ZNF660: variants seen among roughly 807,000 people sequenced by gnomAD.
ZNF660 encodes zinc finger protein 660.
ZNF660 carries 24 observed loss-of-function variants against 23.2 expected under a neutral mutation model. That is an observed-to-expected ratio of 1.04 (90% CI 0.75 to 1.46). The LOEUF (loss-of-function observed/expected upper bound fraction) is 1.46. Ranked by LOEUF, ZNF660 falls within the 40% of genes most tolerant of loss-of-function variation. ZNF660 has a pLI of 0.00. For missense variants in ZNF660, 373 were observed against 396.8 expected (o/e 0.94, Z 0.51); for synonymous variants, 117 against 131.4 (o/e 0.89, Z 0.75).
At position 44,594,087 on chromosome 3, in the gene ZNF660, C is replaced by G. The variant is rs1203845170; in HGVS notation, c.-107C>G. 2.2e-6 allele frequency: 3 copies of G among 1,361,074 alleles called. No individual in the cohort carries two copies. The East Asian group carries it at 7.1e-5, about 32-fold the overall frequency. 84.3% of individuals were successfully genotyped at this position (1,361,074 alleles called of 1,614,324 possible). ...GAAAAATCAGAATCATACATACTTT[C>G]AAGAGAATTCCACAGAGACATTGCC... On this transcript the variant is annotated 5_prime_UTR_variant, in exon 3 of 3. Transcript: ENST00000322734.
chr3:44,592,644 A>G (rs183073195), intron 2 of ZNF660, among the ~76,000 whole-genome samples: 4 of 152,312 alleles, frequency 2.6e-5, no homozygotes, highest in Non-Finnish European at 4.4e-5. Context: ...TTCATCTGCC[A>G]TGCTTTAACT....
intron 2 of ZNF660, among the ~76,000 whole-genome samples, chr3:44,591,887 C>G (rs1279619801): frequency 6.6e-6 from 1 of 152,162 alleles, no homozygotes; most frequent in Non-Finnish European, 1.5e-5. Context: ...ATCCCAGCTA[C>G]TCAGGAGGGT....
rs550550463 is a variant in ZNF660, at chr3:44,591,869, C to T, written c.-180-2145C>T. Among the ~76,000 whole-genome samples, 823 of 152,260 alleles carry T rather than the reference C, an allele frequency of 5.4e-3. 4 individuals carry two copies. Among genetic ancestry groups the T allele is most frequent in the Non-Finnish European group, 6.4e-3 (432 of 68,008 alleles). On this transcript the variant is annotated intron_variant, in intron 2 of 2. Coordinates refer to ENST00000322734, the MANE Select transcript of ZNF660 (RefSeq NM_173658.4). Reference sequence around the variant, plus strand: ...AAAACTAGCCAGGCGTGGTGGCAGACGCCTGTAATCCCAGCTACTCAGGAG... The same window carrying T: ...AAAACTAGCCAGGCGTGGTGGCAGATGCCTGTAATCCCAGCTACTCAGGAG...
intron 2 of ZNF660, among the ~76,000 whole-genome samples, chr3:44,590,587 A>C (rs1281237415): frequency 6.6e-6 from 1 of 152,206 alleles, no homozygotes; most frequent in African/African-American, 2.4e-5. Flanking sequence ...GGGGACACAA[A>C]CATTCAGTCC....
rs1022223200 is a variant in ZNF660, at chr3:44,599,589, G to A, written c.*4400G>A. 7 of 151,936 alleles carry A rather than the reference G, an allele frequency of 4.6e-5. No homozygotes were observed. Among genetic ancestry groups the A allele is most frequent in the Non-Finnish European group, 8.8e-5 (6 of 68,006 alleles). 9.4% of individuals were successfully genotyped at this position (151,936 alleles called of 1,614,324 possible). The stretch of plus-strand genomic sequence containing the variant: ...CCCATATTGTCAGTTGTTTTTAGTC[G>A]CCAGACTGTCTTTAATAGCCTCTGA... On this transcript the variant is annotated 3_prime_UTR_variant, in exon 3 of 3. Coordinates refer to ENST00000322734, the MANE Select transcript of ZNF660 (RefSeq NM_173658.4).
rs1480829120 is a variant in ZNF660 at position 44,594,222 on chromosome 3, A to G, written c.29A>G (p.His10Arg). The change falls in exon 3 of 3, where the codon CAT (histidine) becomes CGT (arginine). Residue 10 changes from histidine to arginine, a missense_variant. His to Arg is a conservative substitution (Grantham distance 29). Transcript: ENST00000322734. Reference protein sequence around the residue: MRRKTRNFKHKTVKDNKVLT... With the variant: MRRKTRNFKRKTVKDNKVLT... The stretch of plus-strand genomic sequence containing the variant: ...AGGAGAAAGACAAGAAATTTCAAAC[A>G]TAAGACAGTTAAAGACAATAAAGTA... 1.9e-6 allele frequency: 3 copies of G among 1,613,734 alleles called. No homozygotes were observed. Among genetic ancestry groups the G allele is most frequent in the East Asian group, 2.2e-5 (1 of 44,900 alleles).
At chr3:44,588,110 G>A (rs575216438) in intron 2 of ZNF660, among the ~76,000 whole-genome samples, 2 of 152,298 alleles carry the variant, frequency 1.3e-5, no homozygotes, top group African/African-American at 4.8e-5. Context: ...TAATTGTAAA[G>A]AAAAGAGTTT....
In ZNF660 at chr3:44,590,457, T is replaced by C. The variant is rs77339314; in HGVS notation, c.-180-3557T>C. Among the ~76,000 whole-genome samples, 1,340 of 152,268 alleles carry C rather than the reference T, an allele frequency of 8.8e-3. 22 individuals are homozygous for C. The highest frequency in any genetic ancestry group is 0.031 in the African/African-American group (1,281 of 41,554). On this transcript the variant is annotated intron_variant, in intron 2 of 2. Coordinates refer to ENST00000322734, the MANE Select transcript of ZNF660 (RefSeq NM_173658.4). ...TCTTGTGTTTCTTTTTATAAGGACA[T>C]GAATTCTGTTGGATCAGGGCCCACC...
chr3:44,586,921 A>G (rs1700241868), intron 2 of ZNF660, among the ~76,000 whole-genome samples: 2 of 152,250 alleles, frequency 1.3e-5, no homozygotes. Flanking sequence ...GGACACAGAC[A>G]TACACACAAG....
chr3:44,585,410 T>C lies in ZNF660; in HGVS notation c.-290+403T>C, dbSNP rs182578467. On this transcript the variant is annotated intron_variant, in intron 1 of 2. Transcript: ENST00000322734. ...CTGGGGCCCAGAGAAGAGGACGGAG[T>C]CTTGCCCAAGGTTACTCATTCATTC... 1.3e-3 allele frequency among the ~76,000 whole-genome samples: 199 copies of C among 152,128 alleles called. 1 individual carries two copies. Among genetic ancestry groups the C allele is most frequent in the African/African-American group, 4.2e-3 (176 of 41,504 alleles).
Position 44,597,694 on chromosome 3 carries a change from T to C in ZNF660, c.*2505T>C, listed in dbSNP as rs1700657554. On this transcript the variant is annotated 3_prime_UTR_variant, in exon 3 of 3. Transcript: ENST00000322734. This position sits in a 1 kb window ranked among gnomAD's most constrained non-coding sequence, Gnocchi z 4.1. Reference sequence around the variant, plus strand: ...AAAACATTTTTTCACCACCATGTCATAGTGCCTAAAACTCTTTATTTAGAT... The same window carrying C: ...AAAACATTTTTTCACCACCATGTCACAGTGCCTAAAACTCTTTATTTAGAT... The C allele has an allele frequency of 6.6e-6, 1 of 152,246 alleles. No homozygotes were observed. The highest frequency in any genetic ancestry group is 2.4e-5 in the African/African-American group (1 of 41,464). 9.4% of individuals were successfully genotyped at this position (152,246 alleles called of 1,614,324 possible). A position where few individuals can be genotyped will look rare whatever the true frequency, so the allele number is the denominator to read the frequency against.
rs1488258008 is a variant in ZNF660 at position 44,594,205 on chromosome 3, G to A, written c.12G>A (p.Lys4=). 1 of 1,613,190 alleles carries A rather than the reference G, an allele frequency of 6.2e-7. No homozygotes were observed. The highest frequency in any genetic ancestry group is 1.1e-5 in the South Asian group (1 of 91,014). The change falls in exon 3 of 3, where the codon AAG becomes AAA. Residue 4 remains lysine, a synonymous_variant. Transcript: ENST00000322734. ...CCAAGCAGGAGAAAATGAGGAGAAA[G>A]ACAAGAAATTTCAAACATAAGACAG... is the stretch of plus-strand genomic sequence containing the variant. The part of the protein sequence containing the change: MRR[K]TRNFKHKTVK...
At position 44,599,346 on chromosome 3, in the gene ZNF660, G is replaced by C. The variant is rs1700722721; in HGVS notation, c.*4157G>C. 6.6e-6 allele frequency: 1 copy of C among 152,144 alleles called. No individual in the cohort carries two copies. Among genetic ancestry groups the C allele is most frequent in the South Asian group, 2.1e-4 (1 of 4,832 alleles). The allele number at this position is 152,144 out of a possible 1,614,324, so 9.4% of individuals were successfully genotyped here. On this transcript the variant is annotated 3_prime_UTR_variant, in exon 3 of 3. Transcript: ENST00000322734. ...GCTTAGAGAGGAAAGTGTCGCCCTG[G>C]ACTTAGAAATCTTTTTTCATAGATG...
chr3:44,585,241 C>G (rs189991558), intron 1 of ZNF660, among the ~76,000 whole-genome samples: 7 of 152,304 alleles, frequency 4.6e-5, no homozygotes, highest in African/African-American at 1.7e-4. Flanking sequence ...GCCGTGGTGA[C>G]AGCACTGTGT....
intron 2 of ZNF660, among the ~76,000 whole-genome samples, chr3:44,590,132 C>G (rs1700366759): frequency 6.6e-6 from 1 of 151,806 alleles, no homozygotes; most frequent in South Asian, 2.1e-4. Context: ...TGAATTTGCT[C>G]TCTTATTGTT....
intron 2 of ZNF660, among the ~76,000 whole-genome samples, chr3:44,591,499 A>G (rs568203038): frequency 6.6e-6 from 1 of 152,290 alleles, no homozygotes; most frequent in South Asian, 2.1e-4. Flanking sequence ...CAATTAACTC[A>G]TTTGTGGAAC....
intron 2 of ZNF660, among the ~76,000 whole-genome samples, chr3:44,591,549 G>A (rs1246499743): frequency 1.3e-5 from 2 of 152,188 alleles, no homozygotes; most frequent in East Asian, 1.9e-4. Flanking sequence ...AGAAAATTTT[G>A]TGTGTATAAA....
At chr3:44,591,375 C>T (rs1174288661) in intron 2 of ZNF660, among the ~76,000 whole-genome samples, 3 of 152,134 alleles carry the variant, frequency 2.0e-5, no homozygotes, top group Non-Finnish European at 4.4e-5. Flanking sequence ...GTGATCCTCC[C>T]GCCTCAGCCT....
At chr3:44,589,079 T>C (rs1394031499) in intron 2 of ZNF660, among the ~76,000 whole-genome samples, 1 of 152,224 alleles carries the variant, frequency 6.6e-6, no homozygotes, top group Non-Finnish European at 1.5e-5. Context: ...TGCTATCTTA[T>C]TCATTTGTTC....
Sources: gnomAD v4.1 joint callset for allele counts (sites outside exome capture counted in the v4.1 genomes callset) on GRCh38, gnomAD v4.1.1 for gene constraint, Gnocchi (gnomAD v3.1) non-coding constraint, MANE v1.5 for transcripts, NCBI Gene and HGNC (gene_info 2026-07-23, HGNC 2026-07-21) for gene names.